The following CSMD1 variants were observed in gnomAD, a reference collection of about 807,000 sequenced individuals.
CSMD1 encodes the protein CUB and Sushi multiple domains 1, also known as CUB and sushi domain-containing protein 1.
A neutral mutation model predicts 417.5 loss-of-function variants in CSMD1; 213 were observed. The observed-to-expected ratio is 0.51, with a 90% CI of 0.46 to 0.57. The LOEUF (loss-of-function observed/expected upper bound fraction) is 0.57. Ranked by LOEUF, CSMD1 falls within the 20% of genes least tolerant of loss-of-function variation. The probability of loss-of-function intolerance (pLI) is 0.00; values close to 1 mark genes in which losing one functional copy is unlikely to be tolerated. For missense variants in CSMD1, 6,923 were observed against 4,529.7 expected (o/e 1.53, Z -15.17); for synonymous variants, 2,862 against 1,736.8 (o/e 1.65, Z -16.11).
chr8:3,055,349 A>C (rs1033121131), intron 49 of CSMD1, among the ~76,000 whole-genome samples: 1 of 152,202 alleles, frequency 6.6e-6, no homozygotes, highest in African/African-American at 2.4e-5. Context: ...TTTGAACCAC[A>C]GTGTTTAGCC....
At chr8:3,160,517 C>G (rs916662832) in intron 38 of CSMD1, among the ~76,000 whole-genome samples, 1 of 152,186 alleles carries the variant, frequency 6.6e-6, no homozygotes, top group African/African-American at 2.4e-5. Flanking sequence ...TACAAACTTA[C>G]TGAGGTATCC....
At chr8:4,055,102 C>A (rs17331675) in intron 3 of CSMD1, among the ~76,000 whole-genome samples, 3,634 of 152,254 alleles carry the variant, frequency 0.024, 78 homozygotes, top group Non-Finnish European at 0.033. Flanking sequence ...AACACATTTT[C>A]TTTGAGCTTT....
At chr8:3,647,672 G>C (rs1020877074) in intron 7 of CSMD1, among the ~76,000 whole-genome samples, 15 of 152,180 alleles carry the variant, frequency 9.9e-5, no homozygotes, top group Admixed American at 3.3e-4. Context: ...GAATTTGAAA[G>C]TTTTAGTACA....
At chr8:4,329,027 C>T (rs796327222) in intron 3 of CSMD1, among the ~76,000 whole-genome samples, 6 of 152,230 alleles carry the variant, frequency 3.9e-5, no homozygotes, top group African/African-American at 1.4e-4. Flanking sequence ...CATCAATCTT[C>T]CTTTGTAAGT....
chr8:3,297,165 C>G (rs948634968), intron 25 of CSMD1, among the ~76,000 whole-genome samples: 2 of 152,040 alleles, frequency 1.3e-5, no homozygotes, highest in Non-Finnish European at 2.9e-5. Context: ...ATCATTGAGA[C>G]AAATCATACA....
At chr8:4,804,980 G>A (rs1214627761) in intron 1 of CSMD1, among the ~76,000 whole-genome samples, 1 of 152,038 alleles carries the variant, frequency 6.6e-6, no homozygotes, top group Non-Finnish European at 1.5e-5. Flanking sequence ...TCCACTTCCT[G>A]GTAAACACAT....
chr8:3,338,811 CTT>C (rs574071856), intron 23 of CSMD1, among the ~76,000 whole-genome samples: 38 of 141,088 alleles, frequency 2.7e-4, no homozygotes, highest in Admixed American at 7.1e-4. Context: ...TCCAGCCTTT[CTT>C]TTTTTTTTTT....
rs184592384 is a variant in CSMD1 at position 4,801,759 on chromosome 8, G to C, written c.86-164201C>G. ...TAGGAAAAACACAGAAACTTTGTGA[G>C]GCAAAAAGAAAAAAAAATACAACTG... On this transcript the variant is annotated intron_variant, in intron 1 of 69. Transcript: ENST00000635120. Among the ~76,000 whole-genome samples the C allele has an allele frequency of 4.3e-3, 649 of 150,384 alleles. 7 individuals carry two copies. The highest frequency in any genetic ancestry group is 0.014 in the African/African-American group (587 of 40,856).
Position 2,938,715 on chromosome 8 carries a change from T to G in CSMD1, c.10565A>C (p.Tyr3522Ser), listed in dbSNP as rs778969760. The G allele has an allele frequency of 1.2e-6, 2 of 1,610,890 alleles. No individual in the cohort carries two copies. The highest frequency in any genetic ancestry group is 1.7e-6 in the Non-Finnish European group (2 of 1,178,454). Residue 3522 changes from tyrosine to serine, a missense_variant, in exon 70 of 70, where the codon TAT (tyrosine) becomes TCT (serine). By Grantham distance (144) the Tyr-to-Ser change is moderately radical (BLOSUM62 -2). Coordinates refer to ENST00000635120, the MANE Select transcript of CSMD1 (RefSeq NM_033225.6). The stretch of plus-strand genomic sequence containing the variant: ...TCCATTGCTGTTTTCATGCCCAGCA[T>G]AGCCATTGTATTGAACTTTTGGTCT... ...RTRPKVQYNG[Y>S]AGHENSNGQA...
intron 61 of CSMD1, among the ~76,000 whole-genome samples, 165 bp downstream of exon 61, chr8:2,962,301 A>G (rs1269128715): frequency 4.6e-5 from 7 of 152,254 alleles, no homozygotes; most frequent in Non-Finnish European, 7.3e-5. Context: ...ACATCAGTTT[A>G]GCTGATGAGT....
intron 2 of CSMD1, among the ~76,000 whole-genome samples, chr8:4,572,800 G>C (rs1343342884): frequency 6.6e-6 from 1 of 152,114 alleles, no homozygotes; most frequent in Admixed American, 6.6e-5. Context: ...ATATTTCTTG[G>C]AAGCTCTATT....
At chr8:3,486,195 A>G (rs763393328) in intron 11 of CSMD1, among the ~76,000 whole-genome samples, 10 of 152,206 alleles carry the variant, frequency 6.6e-5, no homozygotes, top group Non-Finnish European at 1.3e-4. Flanking sequence ...ATGTTTTATT[A>G]TATTAAGACA....
rs530370086 is a variant in CSMD1, at chr8:4,323,123, G to T, written c.415+96830C>A. On this transcript the variant is annotated intron_variant, in intron 3 of 69. Coordinates refer to ENST00000635120, the MANE Select transcript of CSMD1 (RefSeq NM_033225.6). ...TATGATTTTAATGAGACATTAATTGGTGGTTCCAAAGTTGTTTCCTCATTT... is the reference window on the plus strand; with the variant it reads ...TATGATTTTAATGAGACATTAATTGTTGGTTCCAAAGTTGTTTCCTCATTT... Among the ~76,000 whole-genome samples, 4 of 152,342 alleles carry T rather than the reference G, an allele frequency of 2.6e-5. No homozygotes were observed. In the East Asian group the frequency reaches 7.7e-4, roughly 29 times the overall value.
At chr8:3,776,484 C>T (rs1324360973) in intron 5 of CSMD1, among the ~76,000 whole-genome samples, 2 of 152,204 alleles carry the variant, frequency 1.3e-5, no homozygotes, top group Non-Finnish European at 2.9e-5. Context: ...TGGCCACACA[C>T]ACATTTCCTG....
At chr8:4,835,005 G>GAAA (rs1800389031) in intron 1 of CSMD1, among the ~76,000 whole-genome samples, 1 of 71,634 alleles carries the variant, frequency 1.4e-5, no homozygotes, top group Non-Finnish European at 2.5e-5. Context: ...AAGAAAGAAA[G>GAAA]AAAGAAAAAA....
chr8:4,293,004 G>T (rs542687578), intron 3 of CSMD1, among the ~76,000 whole-genome samples: 1 of 152,190 alleles, frequency 6.6e-6, no homozygotes, highest in African/African-American at 2.4e-5. Flanking sequence ...CAGGTGCAGA[G>T]GGGCAAGGGA....
chr8:4,624,781 G>C (rs1802000854), intron 2 of CSMD1, among the ~76,000 whole-genome samples: 1 of 152,132 alleles, frequency 6.6e-6, no homozygotes, highest in Non-Finnish European at 1.5e-5. Context: ...ATTCAAGTTT[G>C]TGACCCTAGT....
At chr8:3,878,560 T>C (rs180803144) in intron 5 of CSMD1, among the ~76,000 whole-genome samples, 11 of 152,290 alleles carry the variant, frequency 7.2e-5, no homozygotes, top group East Asian at 5.8e-4. Context: ...ATAGGAAGTA[T>C]AGAAAAAATT....
At chr8:4,270,006 A>T (rs1193238273) in intron 3 of CSMD1, among the ~76,000 whole-genome samples, 1 of 152,192 alleles carries the variant, frequency 6.6e-6, no homozygotes, top group East Asian at 1.9e-4. Context: ...CATATATAAG[A>T]TGAGCTTCAA....
Sources: gnomAD v4.1 joint callset for allele counts (sites outside exome capture counted in the v4.1 genomes callset) on GRCh38, gnomAD v4.1.1 for gene constraint, MANE v1.5 for transcripts, NCBI Gene and HGNC (gene_info 2026-07-23, HGNC 2026-07-21) for gene names.